The following ADAMTSL1 variants were observed in gnomAD, a reference collection of about 807,000 sequenced individuals.
ADAMTSL1 encodes ADAMTS-like protein 1.
ADAMTSL1 carries 126 observed loss-of-function variants against 201.8 expected under a neutral mutation model. The ratio of observed to expected loss-of-function variants is 0.62; its 90% CI spans 0.54 to 0.72. ADAMTSL1 has a LOEUF of 0.72. ADAMTSL1 is among the 30% of genes least tolerant of loss of function. The pLI is 0.00. For synonymous variants in ADAMTSL1, 1,121 were observed against 903.4 expected, an observed-to-expected ratio of 1.24 and a Z score of -4.32; for missense variants, 2,679 against 2,277.8, an observed-to-expected ratio of 1.18 and a Z score of -3.59.
intron 2 of ADAMTSL1, among the ~76,000 whole-genome samples, chr9:18,359,570 C>G (rs186245067): frequency 1.2e-3 from 179 of 152,230 alleles, no homozygotes; most frequent in African/African-American, 4.0e-3. Flanking sequence ...GCTTCCCATT[C>G]GGATATGACT....
At chr9:18,234,524 CAT>C (rs1830764413) in intron 2 of ADAMTSL1, among the ~76,000 whole-genome samples, 1 of 152,120 alleles carries the variant, frequency 6.6e-6, no homozygotes, top group Non-Finnish European at 1.5e-5. Flanking sequence ...GAGTGGTTGA[CAT>C]GACTTGTACT....
intron 13 of ADAMTSL1, chr9:18,685,010 T>A (rs1279022578): frequency 2.3e-6 from 3 of 1,307,728 alleles, no homozygotes; most frequent in Non-Finnish European, 2.9e-6. Flanking sequence ...TTGCCTAAAG[T>A]AAGAAAATGA....
intron 23 of ADAMTSL1, among the ~76,000 whole-genome samples, chr9:18,865,771 A>T (rs1396909686): frequency 6.6e-6 from 1 of 151,800 alleles, no homozygotes; most frequent in African/African-American, 2.4e-5. Flanking sequence ...TGCTGCCAGA[A>T]CTCTCATTAG....
chr9:18,290,777 G>GTTTTTTTT (rs1563862777), intron 2 of ADAMTSL1, among the ~76,000 whole-genome samples: 2 of 134,660 alleles, frequency 1.5e-5, no homozygotes, highest in Non-Finnish European at 3.1e-5. Context: ...GGCTTTTTTT[G>GTTTTTTTT]TGTGTTTTTT....
intron 5 of ADAMTSL1, among the ~76,000 whole-genome samples, chr9:18,625,375 A>G (rs1448128301): frequency 6.6e-6 from 1 of 152,124 alleles, no homozygotes; most frequent in East Asian, 1.9e-4. Flanking sequence ...GATAAAGAGA[A>G]GTAGGAGAAG....
chr9:18,504,724 G>C, intron 1 of ADAMTSL1, 105 bp from the exon 2 acceptor site: 1 of 1,517,096 alleles, frequency 6.6e-7, no homozygotes, highest in Non-Finnish European at 9.1e-7. Context: ...TTCATTCCTA[G>C]CAAAGCCACC....
At chr9:18,658,136 G>A (rs1013641254) in intron 8 of ADAMTSL1, among the ~76,000 whole-genome samples, 6 of 152,074 alleles carry the variant, frequency 3.9e-5, no homozygotes, top group East Asian at 1.9e-4. Context: ...CACCACGCCC[G>A]GCTAATTTTT....
intron 1 of ADAMTSL1, among the ~76,000 whole-genome samples, chr9:18,134,159 T>A (rs7866197): frequency 0.4 from 61,165 of 151,984 alleles, 13,199 homozygotes; most frequent in South Asian, 0.48. Context: ...TACTAGGAAC[T>A]CCACATATGG....
At chr9:18,831,651 A>G (rs887604376) in intron 23 of ADAMTSL1, among the ~76,000 whole-genome samples, 2 of 152,220 alleles carry the variant, frequency 1.3e-5, no homozygotes, top group African/African-American at 4.8e-5. Flanking sequence ...TTAGGCTGGT[A>G]TTTAAATCCA....
At chr9:18,581,561 C>A (rs1406422733) in intron 4 of ADAMTSL1, among the ~76,000 whole-genome samples, 1 of 152,182 alleles carries the variant, frequency 6.6e-6, no homozygotes, top group Non-Finnish European at 1.5e-5. Flanking sequence ...GTTCCAAATT[C>A]TATCAGCTGA....
chr9:18,140,924 A>G (rs993324936), intron 1 of ADAMTSL1, among the ~76,000 whole-genome samples: 1 of 152,220 alleles, frequency 6.6e-6, no homozygotes, highest in Non-Finnish European at 1.5e-5. Context: ...GCAAAATTTC[A>G]TGTAGCCATT....
chr9:18,091,094 T>C (rs1459819486), intron 1 of ADAMTSL1, among the ~76,000 whole-genome samples: 1 of 151,992 alleles, frequency 6.6e-6, no homozygotes, highest in Non-Finnish European at 1.5e-5. Context: ...TGTGTGTGTG[T>C]GTACCTAACT....
chr9:18,359,277 C>T (rs1044497892), intron 2 of ADAMTSL1, among the ~76,000 whole-genome samples: 8 of 152,086 alleles, frequency 5.3e-5, no homozygotes, highest in Admixed American at 3.9e-4. Flanking sequence ...CTTCAGCCTC[C>T]ATCTTTTCCA....
intron 2 of ADAMTSL1, among the ~76,000 whole-genome samples, chr9:18,240,666 C>T (rs1238248444): frequency 1.3e-5 from 2 of 152,186 alleles, no homozygotes; most frequent in South Asian, 2.1e-4. Flanking sequence ...TATAAGATGC[C>T]ATTGAATATA....
chr9:17,915,698 T>A (rs761002536), intron 1 of ADAMTSL1, among the ~76,000 whole-genome samples: 5 of 152,210 alleles, frequency 3.3e-5, no homozygotes, highest in Middle Eastern at 6.3e-3. Context: ...TTCCTCTGCA[T>A]CCTTGCCAAT....
chr9:18,227,487 C>T (rs1830474226), intron 2 of ADAMTSL1, among the ~76,000 whole-genome samples: 1 of 152,132 alleles, frequency 6.6e-6, no homozygotes, highest in Admixed American at 6.6e-5. Context: ...TATTCATTTA[C>T]ACTCAAACAG....
At chr9:18,541,037 C>G (rs1259029051) in intron 3 of ADAMTSL1, among the ~76,000 whole-genome samples, 3 of 152,162 alleles carry the variant, frequency 2.0e-5, no homozygotes, top group Non-Finnish European at 2.9e-5. Flanking sequence ...TTCCCTCATA[C>G]TATATAACCT....
intron 2 of ADAMTSL1, among the ~76,000 whole-genome samples, chr9:18,260,517 C>A (rs911049455): frequency 6.6e-6 from 1 of 152,244 alleles, no homozygotes; most frequent in Admixed American, 6.5e-5. Flanking sequence ...GGATCCTCCA[C>A]GGTGCCTGCC....
At chr9:17,978,833 C>A (rs537585012) in intron 1 of ADAMTSL1, among the ~76,000 whole-genome samples, 47 of 152,114 alleles carry the variant, frequency 3.1e-4, no homozygotes, top group African/African-American at 1.1e-3. Context: ...CTTGAAGAAC[C>A]CTTTAGCATT....
Sources: allele counts gnomAD v4.1 joint callset (sites outside exome capture counted in the v4.1 genomes callset), GRCh38; gene constraint gnomAD v4.1.1; transcripts MANE v1.5; gene names NCBI Gene and HGNC (gene_info 2026-07-23, HGNC 2026-07-21).